Variants in XRCC5 observed in about 807,000 individuals in gnomAD.
The protein encoded by XRCC5 is X-ray repair cross complementing 5, also known as DNA repair protein Ku80.
Under a neutral mutation model 95.7 loss-of-function variants are expected in XRCC5, and 12 were observed. The ratio of observed to expected loss-of-function variants is 0.13; its 90% CI spans 0.08 to 0.20. The LOEUF (loss-of-function observed/expected upper bound fraction) is 0.20. Among genes scored for constraint, XRCC5 ranks in the 10% least tolerant of loss-of-function variants. The pLI is 1.00. For synonymous variants in XRCC5, 281 were observed against 290.3 expected, an observed-to-expected ratio of 0.97 and a Z score of 0.33; for missense variants, 595 against 873.9, an observed-to-expected ratio of 0.68 and a Z score of 4.02.
At chr2:216,162,159 C>G in intron 16 of XRCC5, 111 bp downstream of exon 16, 1 of 1,025,964 alleles carries the variant, frequency 9.7e-7, no homozygotes, top group Non-Finnish European at 1.5e-6. Context: ...TTTTTCTTTA[C>G]TGGCGGATCT....
chr2:216,165,735 A>G (rs1427912554), intron 16 of XRCC5, among the ~76,000 whole-genome samples: 1 of 152,208 alleles, frequency 6.6e-6, no homozygotes, highest in Non-Finnish European at 1.5e-5. Context: ...TTCAGTTGTC[A>G]AAAGGGCGAT....
chr2:216,122,492 A>G (rs1236160989), intron 6 of XRCC5, among the ~76,000 whole-genome samples: 2 of 152,204 alleles, frequency 1.3e-5, no homozygotes, highest in African/African-American at 4.8e-5. Context: ...GTTCAGGAAT[A>G]TATAGATACC....
intron 16 of XRCC5, among the ~76,000 whole-genome samples, chr2:216,181,382 A>G (rs1423930253): frequency 6.6e-6 from 1 of 152,038 alleles, no homozygotes; most frequent in Non-Finnish European, 1.5e-5. Context: ...AATTACTCCC[A>G]TTCAGTCCCC....
At chr2:216,142,733 A>G (rs1013745930) in intron 13 of XRCC5, among the ~76,000 whole-genome samples, 3 of 152,330 alleles carry the variant, frequency 2.0e-5, no homozygotes, top group South Asian at 2.1e-4. Flanking sequence ...CACTTCATGA[A>G]ACATCTGTAA....
At chr2:216,157,265 ACT>A (rs1171283288) in intron 14 of XRCC5, among the ~76,000 whole-genome samples, 1 of 148,196 alleles carries the variant, frequency 6.7e-6, no homozygotes, top group Non-Finnish European at 1.5e-5. Flanking sequence ...ACGGAGTGTC[ACT>A]CTGTCACCCA....
intron 6 of XRCC5, 54 bp from the exon 7 acceptor site, chr2:216,125,863 C>T (rs1055237250): frequency 2.7e-5 from 38 of 1,399,758 alleles, no homozygotes; most frequent in Non-Finnish European, 3.8e-5. Flanking sequence ...CATCATCCAG[C>T]ACAAGTTAAC....
chr2:216,151,407 G>A (rs542020258), intron 14 of XRCC5, among the ~76,000 whole-genome samples: 2 of 152,272 alleles, frequency 1.3e-5, no homozygotes, highest in South Asian at 4.1e-4. Flanking sequence ...TGTTTATGCA[G>A]GTGGTCTAAA....
rs1401711632 is a variant in XRCC5, at chr2:216,195,092, TC to T, written c.2109+107del. 3 of 991,956 alleles carry T rather than the reference TC, an allele frequency of 3.0e-6. No individual in the cohort carries two copies. In the African/African-American group the frequency reaches 4.9e-5, roughly 16 times the overall value. The allele number at this position is 991,956 out of a possible 1,614,324, so 61.4% of individuals were successfully genotyped here. A position where few individuals can be genotyped will look rare whatever the true frequency, so the allele number is the denominator to read the frequency against. On this transcript the variant is annotated intron_variant, in intron 19 of 20. Transcript: ENST00000392132. ...TTTATGGGTAACTAAATTAGTGTAC[TC>T]ATTTTGTATTCAATATGTAAATTGC...
chr2:216,115,768 C>A (rs962777899), intron 2 of XRCC5, among the ~76,000 whole-genome samples: 15 of 151,892 alleles, frequency 9.9e-5, no homozygotes, highest in Admixed American at 7.2e-4. Context: ...CCAATTTTCC[C>A]ATTGTCTTAT....
chr2:216,117,437 A>G (rs1559236951), intron 3 of XRCC5: 2 of 347,944 alleles, frequency 5.7e-6, no homozygotes, highest in Non-Finnish European at 1.1e-5. Flanking sequence ...ATATTTAAGA[A>G]TGGACTGTGG....
At chr2:216,150,756 G>C (rs981304183) in intron 14 of XRCC5, among the ~76,000 whole-genome samples, 1 of 152,132 alleles carries the variant, frequency 6.6e-6, no homozygotes, top group Non-Finnish European at 1.5e-5. Flanking sequence ...GGGCGTGGTG[G>C]TGTGTGCCTA....
chr2:216,120,069 A>T (rs566241418), intron 5 of XRCC5, among the ~76,000 whole-genome samples: 23 of 152,000 alleles, frequency 1.5e-4, no homozygotes, highest in Middle Eastern at 3.4e-3. Context: ...ATGTGTGAGT[A>T]GTCTTCTCTT....
At chr2:216,135,137 G>C (rs879387354) in intron 10 of XRCC5, among the ~76,000 whole-genome samples, 2 of 152,164 alleles carry the variant, frequency 1.3e-5, no homozygotes, top group Admixed American at 1.3e-4. Flanking sequence ...CAACAGCATG[G>C]CTGGGAGGTC....
At chr2:216,149,571 C>G (rs868115130) in intron 14 of XRCC5, among the ~76,000 whole-genome samples, 3 of 151,576 alleles carry the variant, frequency 2.0e-5, no homozygotes, top group African/African-American at 7.3e-5. Context: ...TCTATGACAC[C>G]TTGCTGAAGT....
intron 16 of XRCC5, chr2:216,175,255 T>C: frequency 2.4e-6 from 1 of 415,742 alleles, no homozygotes; most frequent in Non-Finnish European, 4.6e-6. Flanking sequence ...CATTACACCC[T>C]CCATAACCAC....
intron 8 of XRCC5, among the ~76,000 whole-genome samples, chr2:216,130,440 A>C (rs1696977944): frequency 6.6e-6 from 1 of 151,902 alleles, no homozygotes; most frequent in South Asian, 2.1e-4. Context: ...TTTTGAGAAC[A>C]TTTTGTTCTG....
intron 1 of XRCC5, 108 bp downstream of exon 1, chr2:216,109,565 A>G (rs1313011380): frequency 7.3e-6 from 11 of 1,508,848 alleles, no homozygotes; most frequent in African/African-American, 1.4e-5. Flanking sequence ...ATGGGGCAAG[A>G]GAAGATCATG....
At chr2:216,120,079 T>TAAGAG (rs553958080) in intron 5 of XRCC5, among the ~76,000 whole-genome samples, 23 of 151,086 alleles carry the variant, frequency 1.5e-4, no homozygotes, top group Middle Eastern at 3.4e-3. Context: ...AGTCTTCTCT[T>TAAGAG]AAGACTACAG....
At chr2:216,149,379 G>A (rs1688701070) in intron 14 of XRCC5, among the ~76,000 whole-genome samples, 1 of 152,106 alleles carries the variant, frequency 6.6e-6, no homozygotes, top group African/African-American at 2.4e-5. Flanking sequence ...TTGATAGATT[G>A]TTTCTTGATA....
Sources: gnomAD v4.1 joint callset for allele counts (sites outside exome capture counted in the v4.1 genomes callset) on GRCh38, gnomAD v4.1.1 for gene constraint, MANE v1.5 for transcripts, NCBI Gene and HGNC (gene_info 2026-07-23, HGNC 2026-07-21) for gene names.